Variants in FREM2 observed in about 807,000 individuals in gnomAD.
The protein encoded by FREM2 is FRAS1-related extracellular matrix protein 2.
A neutral mutation model predicts 219.9 loss-of-function variants in FREM2; 119 were observed. That is an observed-to-expected ratio of 0.54 (90% CI 0.47 to 0.63). The LOEUF (loss-of-function observed/expected upper bound fraction) is 0.63, where lower values mean the gene tolerates loss of function less well. FREM2 is among the 30% of genes least tolerant of loss of function. The pLI is 0.00. For synonymous variants in FREM2, 1,562 were observed against 1,522.8 expected, an observed-to-expected ratio of 1.03 and a Z score of -0.60; for missense variants, 4,030 against 3,993.6, an observed-to-expected ratio of 1.01 and a Z score of -0.25.
chr13:38,707,431 C>A (rs1870585408), intron 2 of FREM2, among the ~76,000 whole-genome samples: 1 of 152,132 alleles, frequency 6.6e-6, no homozygotes, highest in African/African-American at 2.4e-5. Flanking sequence ...AAAATAGCAG[C>A]CTTCATGGTA....
chr13:38,859,697 T>C, intron 14 of FREM2, 107 bp downstream of exon 14: 1 of 1,077,768 alleles, frequency 9.3e-7, no homozygotes, highest in South Asian at 1.4e-5. Flanking sequence ...ATTCCATATA[T>C]TTTGTAAGTA....
At chr13:38,823,952 C>T (rs1262434823) in intron 6 of FREM2, among the ~76,000 whole-genome samples, 1 of 152,026 alleles carries the variant, frequency 6.6e-6, no homozygotes, top group Non-Finnish European at 1.5e-5. Flanking sequence ...CATTGGCCAA[C>T]TTGGAGAGAG....
rs375493499 is a variant in FREM2, at chr13:38,691,544, T to C, written c.4200T>C (p.Asp1400=). The stretch of plus-strand genomic sequence containing the variant: ...ACCTAATTAAATTTGATGTGACTGA[T>C]GGAATAAATCCCCTCATAGATCGTT... The part of the protein sequence containing the change: ...IRDLIKFDVT[D]GINPLIDRYF... Residue 1400 remains aspartate (D), a synonymous_variant, in exon 1 of 24, where the codon GAT becomes GAC. Coordinates refer to ENST00000280481, the MANE Select transcript of FREM2 (RefSeq NM_207361.6). 3.1e-6 allele frequency: 5 copies of C among 1,614,186 alleles called. No individual in the cohort carries two copies. The highest frequency in any genetic ancestry group is 4.2e-6 in the Non-Finnish European group (5 of 1,180,032).
chr13:38,786,046 C>A (rs977377610), intron 6 of FREM2, among the ~76,000 whole-genome samples: 6 of 152,128 alleles, frequency 3.9e-5, no homozygotes, highest in African/African-American at 1.4e-4. Context: ...AAACATGTAT[C>A]ATTTCTTTGT....
intron 2 of FREM2, among the ~76,000 whole-genome samples, chr13:38,739,041 G>C (rs1872122661): frequency 6.6e-6 from 1 of 152,118 alleles, no homozygotes; most frequent in South Asian, 2.1e-4. Flanking sequence ...TTCATGTGGG[G>C]AGTAAGTAGT....
intron 6 of FREM2, among the ~76,000 whole-genome samples, chr13:38,810,204 A>G (rs1298197169): frequency 2.0e-5 from 3 of 149,138 alleles, no homozygotes; most frequent in Non-Finnish European, 4.4e-5. Flanking sequence ...TATCAGTTAT[A>G]ATATTTTTGG....
At chr13:38,843,818 A>G (rs1221104781) in intron 6 of FREM2, among the ~76,000 whole-genome samples, 1 of 152,148 alleles carries the variant, frequency 6.6e-6, no homozygotes, top group African/African-American at 2.4e-5. Flanking sequence ...TCACTCATCT[A>G]ACACTGAAAA....
Position 38,691,278 on chromosome 13 carries a change from C to T in FREM2, c.3934C>T (p.Leu1312=), listed in dbSNP as rs776359775. 5 of 1,613,554 alleles carry T rather than the reference C, an allele frequency of 3.1e-6. No individual in the cohort carries two copies. The South Asian group carries it at 3.3e-5, about 11-fold the overall frequency. Residue 1312 remains leucine, a synonymous_variant, in exon 1 of 24, where the codon CTA becomes TTA. Coordinates refer to ENST00000280481, the MANE Select transcript of FREM2 (RefSeq NM_207361.6). Reference sequence around the variant, plus strand: ...GCCCAGAATGACTATCAATAATGGACTAGAAATAGAAATTGGGGATACCAA... The same window carrying T: ...GCCCAGAATGACTATCAATAATGGATTAGAAATAGAAATTGGGGATACCAA... The part of the protein sequence containing the change: ...ETPRMTINNG[L]EIEIGDTKII...
At chr13:38,776,608 T>A (rs1873877878) in intron 4 of FREM2, among the ~76,000 whole-genome samples, 1 of 152,202 alleles carries the variant, frequency 6.6e-6, no homozygotes, top group Non-Finnish European at 1.5e-5. Flanking sequence ...TTCACTTTAC[T>A]CTTTCTTTCA....
At chr13:38,787,578 A>G (rs1874380346) in intron 6 of FREM2, among the ~76,000 whole-genome samples, 1 of 152,062 alleles carries the variant, frequency 6.6e-6, no homozygotes, top group Admixed American at 6.6e-5. Context: ...CACTTTCCCC[A>G]ATCAAAAGCC....
intron 4 of FREM2, among the ~76,000 whole-genome samples, chr13:38,775,131 A>G (rs1311706355): frequency 6.6e-6 from 1 of 152,250 alleles, no homozygotes; most frequent in Non-Finnish European, 1.5e-5. Flanking sequence ...TGTATTCTGA[A>G]TGAGCCAAAC....
In FREM2 at chr13:38,878,828, A is replaced by C; in HGVS notation, c.8860-3A>C. 6.2e-7 allele frequency: 1 copy of C among 1,614,152 alleles called. No individual in the cohort carries two copies. Among genetic ancestry groups the C allele is most frequent in the East Asian group, 2.2e-5 (1 of 44,878 alleles). ...CAATCACCACTTTCCTTACTGCTTA[A>C]AGGACAAAGCTCAGCCAGAGACACA... On this transcript the variant is annotated splice_polypyrimidine_tract_variant and splice_region_variant and intron_variant, in intron 22 of 23. Transcript: ENST00000280481.
intron 18 of FREM2, among the ~76,000 whole-genome samples, chr13:38,875,400 T>C (rs1478038328): frequency 1.3e-5 from 2 of 152,160 alleles, no homozygotes; most frequent in Non-Finnish European, 2.9e-5. Flanking sequence ...TTCATTGTAT[T>C]TTTATGGAAC....
intron 2 of FREM2, among the ~76,000 whole-genome samples, chr13:38,708,581 G>C (rs2138091543): frequency 6.6e-6 from 1 of 152,224 alleles, no homozygotes. Context: ...CTGAACCCGG[G>C]AGATGGAGGT....
intron 16 of FREM2, among the ~76,000 whole-genome samples, chr13:38,869,373 G>T (rs1201623787): frequency 1.3e-5 from 2 of 152,166 alleles, no homozygotes; most frequent in Non-Finnish European, 2.9e-5. Flanking sequence ...TCTAGCTTCA[G>T]CTATTATTAA....
chr13:38,786,448 T>C (rs1874333516), intron 6 of FREM2, among the ~76,000 whole-genome samples: 1 of 152,216 alleles, frequency 6.6e-6, no homozygotes. Context: ...AATTGATCAG[T>C]GTAATAAGAA....
rs1290891505 is a variant in FREM2 at position 38,687,572 on chromosome 13, C to G, written c.228C>G (p.Asn76Lys). 1 of 1,603,724 alleles carries G rather than the reference C, an allele frequency of 6.2e-7. No homozygotes were observed. Among genetic ancestry groups the G allele is most frequent in the South Asian group, 1.1e-5 (1 of 89,590 alleles). ...CTGAGGAGGCCATAGTGCTGGCGAA[C>G]CGCGGACTCCGGGTGCCTTTCGGCC... ...VPAEEAIVLANRGLRVPFGRE... is the reference protein window; with the variant it reads ...VPAEEAIVLAKRGLRVPFGRE... Residue 76 changes from asparagine (N) to lysine (K), a missense_variant, in exon 1 of 24, where the codon AAC (asparagine) becomes AAG (lysine). By Grantham distance (94) the Asn-to-Lys change is moderately conservative. Around this residue, in one of 2 missense-constraint regions of FREM2, gnomAD observed 3,102 missense variants for 2,950.7 expected, o/e 1.05. Coordinates refer to ENST00000280481, the MANE Select transcript of FREM2 (RefSeq NM_207361.6).
rs568841187 is a variant in FREM2, at chr13:38,769,458, G to A, written c.5411-120G>A. ...CCATTCCCAATTTTCCATTTCATGA[G>A]GTCAAAGCAGGATCAACTTTGCTTT... On this transcript the variant is annotated intron_variant, in intron 3 of 23. Transcript: ENST00000280481. 3.7e-5 allele frequency: 32 copies of A among 857,386 alleles called. No homozygotes were observed. In the South Asian group the frequency reaches 4.1e-4, roughly 11 times the overall value. 53.1% of individuals were successfully genotyped at this position (857,386 alleles called of 1,614,324 possible). A position where few individuals can be genotyped will look rare whatever the true frequency, so the allele number is the denominator to read the frequency against.
intron 2 of FREM2, among the ~76,000 whole-genome samples, chr13:38,721,312 A>G (rs886084377): frequency 6.6e-6 from 1 of 152,192 alleles, no homozygotes; most frequent in Non-Finnish European, 1.5e-5. Flanking sequence ...CTGACAAGAC[A>G]TTAGAGGCAG....
Sources: gnomAD v4.1 joint callset for allele counts (sites outside exome capture counted in the v4.1 genomes callset) on GRCh38, gnomAD v4.1.1 for gene constraint, gnomAD v4.1.1 regional missense constraint, MANE v1.5 for transcripts, NCBI Gene and HGNC (gene_info 2026-07-23, HGNC 2026-07-21) for gene names.